The following PAK5 variants were observed in gnomAD, a reference collection of about 807,000 sequenced individuals.
PAK5 encodes p21 (RAC1) activated kinase 5.
PAK5 carries 16 observed loss-of-function variants against 65.9 expected under a neutral mutation model. The observed-to-expected ratio is 0.24, with a 90% CI of 0.16 to 0.37. PAK5 has a LOEUF of 0.37. Among genes scored for constraint, PAK5 ranks in the 10% least tolerant of loss-of-function variants. PAK5 has a pLI of 1.00. For synonymous variants in PAK5, 371 were observed against 354.9 expected (o/e 1.05, Z -0.51); for missense variants, 785 against 903.9 (o/e 0.87, Z 1.69).
intron 2 of PAK5, among the ~76,000 whole-genome samples, chr20:9,654,486 C>T (rs2047241318): frequency 6.6e-6 from 1 of 152,206 alleles, no homozygotes; most frequent in South Asian, 2.1e-4. Flanking sequence ...TCCATGTCAG[C>T]ATCATTTCTC....
chr20:9,821,433 A>T (rs1457007092), intron 1 of PAK5, among the ~76,000 whole-genome samples: 1 of 152,114 alleles, frequency 6.6e-6, no homozygotes, highest in South Asian at 2.1e-4. Flanking sequence ...TCTCAAATCC[A>T]AGGTTAACTG....
chr20:9,706,658 CTTTTTTT>C (rs60683209), intron 2 of PAK5, among the ~76,000 whole-genome samples: 1 of 141,506 alleles, frequency 7.1e-6, no homozygotes. Context: ...TTTGTTTTTT[CTTTTTTT>C]TTTTTGCTGT....
intron 1 of PAK5, among the ~76,000 whole-genome samples, chr20:9,821,232 T>A (rs2049416961): frequency 6.6e-6 from 1 of 151,884 alleles, no homozygotes; most frequent in African/African-American, 2.4e-5. Flanking sequence ...AATACAAAAT[T>A]TAGCTGGGCA....
intron 3 of PAK5, among the ~76,000 whole-genome samples, chr20:9,641,649 C>G (rs971181137): frequency 1.3e-5 from 2 of 151,912 alleles, no homozygotes; most frequent in Non-Finnish European, 2.9e-5. Flanking sequence ...GGGTGGTGCT[C>G]GTCAGGGAGG....
At chr20:9,702,529 C>T (rs564883347) in intron 2 of PAK5, among the ~76,000 whole-genome samples, 2 of 152,204 alleles carry the variant, frequency 1.3e-5, no homozygotes, top group South Asian at 2.1e-4. Context: ...AAATTAAAAA[C>T]GGAATAAACA....
At chr20:9,733,729 GAC>G (rs2048359075) in intron 1 of PAK5, among the ~76,000 whole-genome samples, 1 of 152,150 alleles carries the variant, frequency 6.6e-6, no homozygotes, top group South Asian at 2.1e-4. Context: ...AGAGGTGTGA[GAC>G]ACCGCACCTG....
At chr20:9,658,784 C>T (rs927232816) in intron 2 of PAK5, among the ~76,000 whole-genome samples, 1 of 152,132 alleles carries the variant, frequency 6.6e-6, no homozygotes, top group African/African-American at 2.4e-5. Flanking sequence ...TGTGACATTG[C>T]AGAACATTTT....
At chr20:9,648,314 C>G (rs536889154) in intron 2 of PAK5, among the ~76,000 whole-genome samples, 1 of 152,278 alleles carries the variant, frequency 6.6e-6, no homozygotes, top group Non-Finnish European at 1.5e-5. Context: ...TTAATTCCCC[C>G]AGGACTGATT....
intron 2 of PAK5, among the ~76,000 whole-genome samples, chr20:9,653,766 A>T (rs568770497): frequency 8.1e-4 from 123 of 152,274 alleles, no homozygotes; most frequent in Non-Finnish European, 1.2e-3. Flanking sequence ...GGAGGTTGGA[A>T]GTATAACATG....
At chr20:9,735,537 G>T (rs956760634) in intron 1 of PAK5, among the ~76,000 whole-genome samples, 1 of 152,134 alleles carries the variant, frequency 6.6e-6, no homozygotes, top group Admixed American at 6.6e-5. Flanking sequence ...GTTAGGTAAA[G>T]TACTCAGGAA....
intron 1 of PAK5, among the ~76,000 whole-genome samples, chr20:9,812,626 C>T (rs1187573112): frequency 1.3e-5 from 2 of 152,126 alleles, no homozygotes; most frequent in Non-Finnish European, 2.9e-5. Context: ...AAAGTTCATA[C>T]ATAAATGTCC....
chr20:9,719,279 T>A (rs1027551656), intron 1 of PAK5, among the ~76,000 whole-genome samples: 1 of 152,232 alleles, frequency 6.6e-6, no homozygotes, highest in African/African-American at 2.4e-5. Context: ...GTGAAGGAAA[T>A]CCTCTCTAGA....
At chr20:9,766,345 C>CTACTTGAATATATATATAT (rs2048760549) in intron 1 of PAK5, among the ~76,000 whole-genome samples, 4 of 37,462 alleles carry the variant, frequency 1.1e-4, no homozygotes, top group South Asian at 1.2e-3. Context: ...TATATATATT[C>CTACTTGAATATATATATAT]TACTTACTTG....
chr20:9,763,848 G>A (rs1039853810), intron 1 of PAK5, among the ~76,000 whole-genome samples: 9 of 151,956 alleles, frequency 5.9e-5, no homozygotes, highest in Admixed American at 2.0e-4. Flanking sequence ...GTGTTTATAC[G>A]TACATATAAT....
At chr20:9,798,324 T>G (rs1250469128) in intron 1 of PAK5, among the ~76,000 whole-genome samples, 1 of 152,084 alleles carries the variant, frequency 6.6e-6, no homozygotes, top group Non-Finnish European at 1.5e-5. Flanking sequence ...AATTTGTGTA[T>G]TAATGGGAAT....
intron 2 of PAK5, among the ~76,000 whole-genome samples, chr20:9,646,090 C>G (rs1386557348): frequency 6.6e-6 from 1 of 152,134 alleles, no homozygotes; most frequent in Admixed American, 6.5e-5. Context: ...CTAAAATCAC[C>G]CTGAACAGCA....
At chr20:9,750,599 C>T (rs2048564723) in intron 1 of PAK5, among the ~76,000 whole-genome samples, 1 of 152,040 alleles carries the variant, frequency 6.6e-6, no homozygotes, top group African/African-American at 2.4e-5. Context: ...AGTTACCTTG[C>T]TTTCTGGAAG....
chr20:9,670,315 T>C (rs1372575831), intron 2 of PAK5, among the ~76,000 whole-genome samples: 2 of 152,182 alleles, frequency 1.3e-5, no homozygotes, highest in African/African-American at 4.8e-5. Context: ...TCAAATGGTA[T>C]TTCTAGTTCT....
chr20:9,606,183 G>A (rs1404981835), intron 3 of PAK5, among the ~76,000 whole-genome samples: 1 of 152,162 alleles, frequency 6.6e-6, no homozygotes, highest in Non-Finnish European at 1.5e-5. Context: ...ATGATAATGA[G>A]TGAGTTCTCA....
Sources: allele counts gnomAD v4.1 joint callset (sites outside exome capture counted in the v4.1 genomes callset), GRCh38; gene constraint gnomAD v4.1.1; transcripts MANE v1.5; gene names NCBI Gene and HGNC (gene_info 2026-07-23, HGNC 2026-07-21).